Variants in RUNDC3B observed in about 807,000 individuals in gnomAD.
RUNDC3B encodes the protein RUN domain containing 3B.
RUNDC3B carries 33 observed loss-of-function variants against 58.4 expected under a neutral mutation model. That is an observed-to-expected ratio of 0.56 (90% confidence interval 0.43 to 0.75). RUNDC3B has a LOEUF of 0.75. Among genes scored for constraint, RUNDC3B ranks in the 30% least tolerant of loss-of-function variants. The probability of loss-of-function intolerance (pLI) is 0.00; values close to 1 mark genes in which losing one functional copy is unlikely to be tolerated. For synonymous variants in RUNDC3B, 193 were observed against 195.2 expected (o/e 0.99, Z 0.10); for missense variants, 501 against 535.7 (o/e 0.94, Z 0.64).
At chr7:87,698,347 G>A (rs1828690786) in intron 2 of RUNDC3B, among the ~76,000 whole-genome samples, 1 of 152,106 alleles carries the variant, frequency 6.6e-6, no homozygotes, top group South Asian at 2.1e-4. Context: ...TCCCACCTCG[G>A]CCTCCCAAAG....
intron 6 of RUNDC3B, among the ~76,000 whole-genome samples, chr7:87,769,843 C>A (rs1834177303): frequency 1.3e-5 from 2 of 152,052 alleles, no homozygotes; most frequent in South Asian, 4.1e-4. Context: ...TGATGTTCCC[C>A]TCCCTGTGTC....
At chr7:87,788,703 C>CTTTTTTTTTTTTT (rs5885597) in intron 8 of RUNDC3B, among the ~76,000 whole-genome samples, 15 of 128,290 alleles carry the variant, frequency 1.2e-4, no homozygotes, top group Non-Finnish European at 1.7e-4. Flanking sequence ...CTTTTCAAAA[C>CTTTTTTTTTTTTT]TTTTTTTTTT....
At chr7:87,745,265 G>C (rs1482026008) in intron 6 of RUNDC3B, among the ~76,000 whole-genome samples, 1 of 152,116 alleles carries the variant, frequency 6.6e-6, no homozygotes, top group Admixed American at 6.5e-5. Flanking sequence ...CAAGAATATA[G>C]GTCTGTAGTT....
At chr7:87,681,700 G>A (rs900460282) in intron 2 of RUNDC3B, among the ~76,000 whole-genome samples, 2 of 139,612 alleles carry the variant, frequency 1.4e-5, no homozygotes, top group Non-Finnish European at 3.1e-5. Flanking sequence ...GAAGGATGGG[G>A]TGGATATGAC....
At chr7:87,768,175 G>A (rs1834079500) in intron 6 of RUNDC3B, among the ~76,000 whole-genome samples, 1 of 152,196 alleles carries the variant, frequency 6.6e-6, no homozygotes, top group Admixed American at 6.5e-5. Context: ...ATCTGCAGTA[G>A]TAGGTCAGGG....
intron 6 of RUNDC3B, among the ~76,000 whole-genome samples, chr7:87,753,939 G>A (rs1833191224): frequency 6.6e-6 from 1 of 152,172 alleles, no homozygotes; most frequent in African/African-American, 2.4e-5. Context: ...TACCAAGACA[G>A]TTATATGTAT....
At chr7:87,646,336 G>A (rs1256727411) in intron 1 of RUNDC3B, among the ~76,000 whole-genome samples, 1 of 152,084 alleles carries the variant, frequency 6.6e-6, no homozygotes, top group Non-Finnish European at 1.5e-5. Flanking sequence ...GTAATCTAGT[G>A]TTATTCCTGG....
chr7:87,820,253 C>T (rs1178074844), intron 10 of RUNDC3B, among the ~76,000 whole-genome samples: 1 of 152,110 alleles, frequency 6.6e-6, no homozygotes, highest in Non-Finnish European at 1.5e-5. Context: ...GAGAATACTA[C>T]AAACACCTCT....
At chr7:87,662,608 C>G (rs1042321438) in intron 2 of RUNDC3B, among the ~76,000 whole-genome samples, 1 of 152,002 alleles carries the variant, frequency 6.6e-6, no homozygotes, top group Admixed American at 6.6e-5. Flanking sequence ...TTCCATTGGT[C>G]TATGTATCTC....
At chr7:87,759,726 A>G (rs1190423744) in intron 6 of RUNDC3B, among the ~76,000 whole-genome samples, 1 of 144,108 alleles carries the variant, frequency 6.9e-6, no homozygotes, top group Non-Finnish European at 1.5e-5. Context: ...TAAGCTCAGG[A>G]GTTTGAGGCA....
At chr7:87,644,412 T>C (rs1276755894) in intron 1 of RUNDC3B, among the ~76,000 whole-genome samples, 2 of 152,230 alleles carry the variant, frequency 1.3e-5, no homozygotes, top group Non-Finnish European at 2.9e-5. Context: ...CTAACAGCAA[T>C]GACATATAAT....
At chr7:87,784,477 AG>A (rs1835099555) in intron 8 of RUNDC3B, among the ~76,000 whole-genome samples, 1 of 151,804 alleles carries the variant, frequency 6.6e-6, no homozygotes, top group Non-Finnish European at 1.5e-5. Flanking sequence ...GTGTCTTTTC[AG>A]AGGGCCAAGG....
chr7:87,640,599 C>T (rs1204438629), intron 1 of RUNDC3B, among the ~76,000 whole-genome samples: 1 of 152,174 alleles, frequency 6.6e-6, no homozygotes, highest in Non-Finnish European at 1.5e-5. Flanking sequence ...CCTGCCTGGG[C>T]CTCCAAAAGT....
intron 2 of RUNDC3B, among the ~76,000 whole-genome samples, chr7:87,671,860 C>A (rs1242542844): frequency 6.6e-6 from 1 of 152,196 alleles, no homozygotes; most frequent in East Asian, 1.9e-4. Flanking sequence ...GCCTGCCACT[C>A]CCCCTGGGAG....
intron 6 of RUNDC3B, among the ~76,000 whole-genome samples, chr7:87,747,582 G>A (rs939819845): frequency 2.0e-5 from 3 of 152,096 alleles, no homozygotes; most frequent in Non-Finnish European, 2.9e-5. Context: ...CTGCCAGGGT[G>A]GGTAGGGAAG....
At chr7:87,709,730 C>T (rs1829900919) in intron 3 of RUNDC3B, among the ~76,000 whole-genome samples, 1 of 152,020 alleles carries the variant, frequency 6.6e-6, no homozygotes, top group South Asian at 2.1e-4. Context: ...TTAGTGTCAC[C>T]TTTATACTGC....
At position 87,647,462 on chromosome 7, in the gene RUNDC3B, G is replaced by A. The variant is rs531134869; in HGVS notation, c.123-3360G>A. On this transcript the variant is annotated intron_variant, in intron 1 of 10. Coordinates refer to ENST00000394654, the MANE Select transcript of RUNDC3B (RefSeq NM_001134405.2). ...ATTGTCTTCTATTAAACACATTAAA[G>A]ATATTTGCAAACATGTAAACATTGC... Among the ~76,000 whole-genome samples the A allele has an allele frequency of 3.3e-5, 5 of 152,164 alleles. No individual in the cohort carries two copies. In the East Asian group the frequency reaches 7.7e-4, roughly 24 times the overall value.
chr7:87,724,331 G>T (rs1831087919), intron 4 of RUNDC3B, among the ~76,000 whole-genome samples: 1 of 152,078 alleles, frequency 6.6e-6, no homozygotes, highest in African/African-American at 2.4e-5. Flanking sequence ...TAAAAGCAGG[G>T]ATAGTTGTGT....
At chr7:87,675,650 A>G (rs1296028437) in intron 2 of RUNDC3B, among the ~76,000 whole-genome samples, 2 of 134,360 alleles carry the variant, frequency 1.5e-5, no homozygotes, top group South Asian at 2.4e-4. Flanking sequence ...GAATATTCAC[A>G]TGCAAAAAAA....
Sources: allele counts gnomAD v4.1 joint callset (sites outside exome capture counted in the v4.1 genomes callset), GRCh38; gene constraint gnomAD v4.1.1; transcripts MANE v1.5; gene names NCBI Gene and HGNC (gene_info 2026-07-23, HGNC 2026-07-21).